The following NBPF3 variants were observed in gnomAD, a reference collection of about 807,000 sequenced individuals.
NBPF3 encodes the protein NBPF family member NBPF3.
In NBPF3, 57 loss-of-function variants were observed where a neutral mutation model predicts 78.1. The observed-to-expected ratio is 0.73, with a 90% CI of 0.59 to 0.91. The LOEUF (loss-of-function observed/expected upper bound fraction) is 0.91, where lower values mean the gene tolerates loss of function less well. Among genes scored for constraint, NBPF3 ranks in the 40% least tolerant of loss-of-function variants. The probability of loss-of-function intolerance (pLI) is 0.00; values close to 1 mark genes in which losing one functional copy is unlikely to be tolerated. For synonymous variants in NBPF3, 182 were observed against 271.7 expected (o/e 0.67, Z 3.25); for missense variants, 510 against 715.3 (o/e 0.71, Z 3.27).
intron 2 of NBPF3, among the ~76,000 whole-genome samples, chr1:21,458,547 C>T (rs1375753075): frequency 3.3e-5 from 5 of 152,112 alleles, no homozygotes; most frequent in Non-Finnish European, 5.9e-5. Context: ...AAAGTATGAA[C>T]AAACACAGTA....
At chr1:21,479,816 CTCTCTG>C (rs1328428632) in intron 10 of NBPF3, among the ~76,000 whole-genome samples, 10 of 45,672 alleles carry the variant, frequency 2.2e-4, no homozygotes, top group Middle Eastern at 0.022. Context: ...CTCTCTCTCT[CTCTCTG>C]TGTGTGTGTG....
At chr1:21,477,958 T>C in intron 8 of NBPF3, 186 bp from the exon 9 acceptor site, 1 of 1,302,134 alleles carries the variant, frequency 7.7e-7, no homozygotes, top group Non-Finnish European at 1.1e-6. Context: ...CCATTTTTGT[T>C]CGGTCCTCAG....
At chr1:21,437,240 G>A (rs142184015), upstream of NBPF3, among the ~76,000 whole-genome samples, 928 of 152,120 alleles carry the variant, frequency 6.1e-3, 10 homozygotes, top group Non-Finnish European at 0.01. Flanking sequence ...CAAGGGGGAG[G>A]AGCCTGGGAG....
chr1:21,479,253 G>C (rs1643049304), intron 9 of NBPF3, 96 bp from the exon 10 acceptor site: 2 of 1,290,776 alleles, frequency 1.5e-6, no homozygotes, highest in South Asian at 2.3e-5. Flanking sequence ...ACACTGAGAA[G>C]ACTGATGTCC....
intron 2 of NBPF3, among the ~76,000 whole-genome samples, chr1:21,465,746 A>G (rs901809406): frequency 1.2e-4 from 19 of 152,252 alleles, no homozygotes; most frequent in African/African-American, 4.3e-4. Flanking sequence ...AAGATGGCCA[A>G]TCTTTCCTAA....
intron 1 of NBPF3, among the ~76,000 whole-genome samples, chr1:21,441,578 G>C (rs1164142067): frequency 6.6e-6 from 1 of 151,846 alleles, no homozygotes; most frequent in Non-Finnish European, 1.5e-5. Context: ...GTGGTGGTGT[G>C]TGCCTGTAGT....
chr1:21,436,832 T>G (rs1348824926), upstream of NBPF3: 2 of 858,184 alleles, frequency 2.3e-6, no homozygotes, highest in African/African-American at 1.9e-5. This position sits in a 1 kb window ranked among gnomAD's most constrained non-coding sequence, Gnocchi z 4.3. Flanking sequence ...TTGAGCGTTC[T>G]GGGTGCAGCC....
chr1:21,448,729 T>A (rs1259388610), intron 2 of NBPF3, among the ~76,000 whole-genome samples: 1 of 152,172 alleles, frequency 6.6e-6, no homozygotes, highest in Non-Finnish European at 1.5e-5. Context: ...TCAATACCAT[T>A]TAAGTGCTCC....
chr1:21,463,353 G>T (rs1642059187), intron 2 of NBPF3, among the ~76,000 whole-genome samples: 1 of 152,162 alleles, frequency 6.6e-6, no homozygotes, highest in Non-Finnish European at 1.5e-5. Context: ...AAAGTCAGTG[G>T]AAGGATATCA....
At chr1:21,478,790 C>T (rs985307735) in intron 9 of NBPF3, among the ~76,000 whole-genome samples, 13 of 152,250 alleles carry the variant, frequency 8.5e-5, no homozygotes, top group Non-Finnish European at 5.9e-5. Flanking sequence ...TCCCCCTTTT[C>T]TGTGTCTTCT....
chr1:21,477,135 T>G (rs1642927678), intron 8 of NBPF3, among the ~76,000 whole-genome samples: 1 of 152,212 alleles, frequency 6.6e-6, no homozygotes, highest in African/African-American at 2.4e-5. Context: ...ATCAGGTCAT[T>G]TCAGGTCTCC....
intron 11 of NBPF3, among the ~76,000 whole-genome samples, chr1:21,480,442 T>C (rs1250645216): frequency 8.5e-6 from 1 of 117,200 alleles, no homozygotes; most frequent in Non-Finnish European, 2.1e-5. Context: ...CAGCCATGCC[T>C]GTGGCAACCT....
At chr1:21,456,355 C>T (rs1371399204) in intron 2 of NBPF3, among the ~76,000 whole-genome samples, 3 of 152,138 alleles carry the variant, frequency 2.0e-5, no homozygotes, top group African/African-American at 7.2e-5. Context: ...CTGAGCCATC[C>T]TTAGTATTTT....
chr1:21,473,045 G>T, intron 6 of NBPF3, 130 bp downstream of exon 6: 1 of 777,190 alleles, frequency 1.3e-6, no homozygotes, highest in Admixed American at 2.1e-5. Flanking sequence ...AGAAACTCAA[G>T]CCAGCTTGGA....
In NBPF3 at chr1:21,455,763, A is replaced by G. The variant is rs1229899237; in HGVS notation, c.133+10544A>G. On this transcript the variant is annotated intron_variant, in intron 2 of 14. Transcript: ENST00000318249. ...TCTCAAAGTCTATGTGGGGTTCCATATGCATCCTTATCAAGGACTGGACTG... is the reference window on the plus strand; with the variant it reads ...TCTCAAAGTCTATGTGGGGTTCCATGTGCATCCTTATCAAGGACTGGACTG... Among the ~76,000 whole-genome samples the G allele has an allele frequency of 2.6e-5, 4 of 152,346 alleles. No homozygotes were observed. The East Asian group carries it at 7.7e-4, about 29-fold the overall frequency.
intron 11 of NBPF3, among the ~76,000 whole-genome samples, chr1:21,480,667 G>A (rs1301725794): frequency 1.3e-5 from 2 of 152,430 alleles, no homozygotes; most frequent in East Asian, 3.8e-4. Flanking sequence ...GAGCAATAAG[G>A]CATAACTGTT....
chr1:21,451,923 C>G (rs1641333328), intron 2 of NBPF3: 1 of 911,704 alleles, frequency 1.1e-6, no homozygotes, highest in East Asian at 1.1e-4. Context: ...CATACTCAAA[C>G]ACAGAGAGCT....
rs1641870658 is a variant in NBPF3, at chr1:21,460,168, G to A, written c.134-8520G>A. The A allele has an allele frequency of 1.8e-4, 4 of 21,692 alleles. 2 individuals are homozygous for A. Among genetic ancestry groups the A allele is most frequent in the Admixed American group, 2.0e-3 (2 of 1,010 alleles). The allele number at this position is 21,692 out of a possible 1,614,324, so 1.3% of individuals were successfully genotyped here. On this transcript the variant is annotated intron_variant, in intron 2 of 14. Transcript: ENST00000318249. The surrounding 1 kb of genome is among the most constrained non-coding windows in gnomAD (Gnocchi z 4.2). Reference sequence around the variant, plus strand: ...CAGGGGAGGCGGAGAGCTGCGTGCAGGCACTGCCGTCCTCACCACGGCTCT... The same window carrying A: ...CAGGGGAGGCGGAGAGCTGCGTGCAAGCACTGCCGTCCTCACCACGGCTCT...
chr1:21,474,653 A>G (rs1436216485), intron 7 of NBPF3, among the ~76,000 whole-genome samples: 3 of 152,344 alleles, frequency 2.0e-5, no homozygotes, highest in South Asian at 4.1e-4. Context: ...TTAACTTTGC[A>G]TAGACTCAGG....
Sources: gnomAD v4.1 joint callset for allele counts (sites outside exome capture counted in the v4.1 genomes callset) on GRCh38, gnomAD v4.1.1 for gene constraint, Gnocchi (gnomAD v3.1) non-coding constraint, MANE v1.5 for transcripts, NCBI Gene and HGNC (gene_info 2026-07-23, HGNC 2026-07-21) for gene names.